The following FAM228B variants were observed in gnomAD, a reference collection of about 807,000 sequenced individuals.
FAM228B encodes the protein family with sequence similarity 228 member B, also known as protein FAM228B.
FAM228B carries 38 observed loss-of-function variants against 42.6 expected under a neutral mutation model. That is an observed-to-expected ratio of 0.89 (90% confidence interval 0.69 to 1.17). FAM228B has a LOEUF of 1.17. Ranked by LOEUF, FAM228B falls within the 50% of genes most tolerant of loss-of-function variation. FAM228B has a pLI of 0.00. For missense variants in FAM228B, 344 were observed against 367.3 expected, an observed-to-expected ratio of 0.94 and a Z score of 0.52; for synonymous variants, 109 against 122.3, an observed-to-expected ratio of 0.89 and a Z score of 0.72.
intron 7 of FAM228B, among the ~76,000 whole-genome samples, chr2:24,148,059 T>C (rs552240879): frequency 7.9e-4 from 121 of 152,272 alleles, no homozygotes; most frequent in Non-Finnish European, 1.5e-3. Context: ...GGATTAGCCT[T>C]ATCTAGTTGG....
upstream of FAM228B, among the ~76,000 whole-genome samples, chr2:24,118,810 G>A (rs1167961050): frequency 6.6e-6 from 1 of 152,202 alleles, no homozygotes; most frequent in African/African-American, 2.4e-5. Flanking sequence ...CACATGGTAA[G>A]TACCTCTGAA....
intron 3 of FAM228B, among the ~76,000 whole-genome samples, chr2:24,100,565 A>G (rs1229619745): frequency 6.6e-6 from 1 of 152,228 alleles, no homozygotes; most frequent in Non-Finnish European, 1.5e-5. Flanking sequence ...ACAATGAGAT[A>G]CCATCTTGTG....
intron 2 of FAM228B, among the ~76,000 whole-genome samples, chr2:24,093,109 A>G (rs983859369): frequency 7.2e-5 from 11 of 152,002 alleles, no homozygotes; most frequent in Admixed American, 5.9e-4. Flanking sequence ...TCCCAAAACT[A>G]TGTGTCCCCT....
intron 2 of FAM228B, 128 bp downstream of exon 2, chr2:24,124,588 CACTTT>C (rs1666256187): frequency 1.2e-5 from 7 of 594,396 alleles, no homozygotes; most frequent in Non-Finnish European, 1.7e-5. Flanking sequence ...TTATTCCCTT[CACTTT>C]ACTAACTTTG....
At chr2:24,164,422 T>C in intron 9 of FAM228B, 87 bp downstream of exon 9, 1 of 1,388,182 alleles carries the variant, frequency 7.2e-7, no homozygotes. Flanking sequence ...TTTCTTTGTA[T>C]GGCAGGCTTC....
upstream of FAM228B, among the ~76,000 whole-genome samples, chr2:24,118,854 G>T (rs2151005262): frequency 6.6e-6 from 1 of 152,250 alleles, no homozygotes; most frequent in Admixed American, 6.5e-5. Context: ...TGAATGAGTG[G>T]CTGCTTTTGT....
At chr2:24,121,118 A>G (rs1666101158), upstream of FAM228B, 1 of 1,604,724 alleles carries the variant, frequency 6.2e-7, no homozygotes, top group Admixed American at 1.7e-5. Flanking sequence ...TTTGGAGGCA[A>G]ATTCTTTTCT....
chr2:24,120,980 A>C (rs1666096112), upstream of FAM228B, among the ~76,000 whole-genome samples: 1 of 150,780 alleles, frequency 6.6e-6, no homozygotes, highest in African/African-American at 2.4e-5. Context: ...ATTTCTCAAA[A>C]CCAGGCTCTT....
At chr2:24,123,873 CG>C (rs906847586) in intron 1 of FAM228B, among the ~76,000 whole-genome samples, 1 of 152,138 alleles carries the variant, frequency 6.6e-6, no homozygotes, top group Non-Finnish European at 1.5e-5. Context: ...ACCCGTGCCT[CG>C]GGGAGGACTT....
intron 7 of FAM228B, among the ~76,000 whole-genome samples, chr2:24,158,253 T>C (rs1667205039): frequency 7.0e-6 from 1 of 143,408 alleles, no homozygotes; most frequent in African/African-American, 2.5e-5. Context: ...AATGCCGCTT[T>C]AAAACTTCCT....
intron 3 of FAM228B, chr2:24,096,275 G>A (rs1665496114): frequency 1.3e-5 from 2 of 152,224 alleles, no homozygotes; most frequent in African/African-American, 4.8e-5. Context: ...GCTGGATGGA[G>A]AATGACTTTG....
intron 8 of FAM228B, among the ~76,000 whole-genome samples, chr2:24,162,806 TG>T (rs1330367263): frequency 2.0e-5 from 3 of 152,162 alleles, no homozygotes; most frequent in Non-Finnish European, 4.4e-5. Flanking sequence ...TTGTACTCAG[TG>T]AAGGAAGCCA....
intron 5 of FAM228B, among the ~76,000 whole-genome samples, chr2:24,145,692 AC>A (rs1389499690): frequency 7.0e-6 from 1 of 142,406 alleles, no homozygotes; most frequent in African/African-American, 2.5e-5. Context: ...AAATGATAGT[AC>A]CTTTTTTTGT....
chr2:24,118,800 C>T (rs1462124598), upstream of FAM228B, among the ~76,000 whole-genome samples: 4 of 152,094 alleles, frequency 2.6e-5, no homozygotes, highest in African/African-American at 9.7e-5. Flanking sequence ...TAGTGCAGGG[C>T]ACATGGTAAG....
rs1666646368 is a variant in FAM228B, at chr2:24,138,056, A to G, written c.316A>G (p.Arg106Gly). The G allele has an allele frequency of 6.5e-7, 1 of 1,540,182 alleles. No homozygotes were observed. Among genetic ancestry groups the G allele is most frequent in the Admixed American group, 2.1e-5 (1 of 47,284 alleles). The change falls in exon 4 of 11, where the codon AGG becomes GGG. Residue 106 changes from arginine to glycine, a missense_variant. Physicochemically the swap from Arg to Gly is moderately radical, Grantham distance 125. Transcript: ENST00000615575. Reference protein sequence around the residue: ...VCSHKKIKKRRQGELDGFLKH... With the variant: ...VCSHKKIKKRGQGELDGFLKH... The stretch of plus-strand genomic sequence containing the variant: ...CTCACATAAGAAGATTAAAAAAAGG[A>G]GGCAAGGGGAATTAGATGGCTTTTT...
chr2:24,116,777 C>G (rs1665933218), intron 3 of FAM228B, among the ~76,000 whole-genome samples: 1 of 151,612 alleles, frequency 6.6e-6, no homozygotes. Flanking sequence ...TCTCTTGAAC[C>G]TGGGAGGCTG....
rs1454352977 is a variant in FAM228B, at chr2:24,135,112, C to G, written c.100-7C>G. ...TTTCTTTTCAAAGTTTAATTCTGTC[C>G]TTTCAGGTTTTAGCTAAAGAAGATA... On this transcript the variant is annotated splice_polypyrimidine_tract_variant and splice_region_variant and intron_variant, in intron 2 of 10. Coordinates refer to ENST00000615575, the MANE Select transcript of FAM228B (RefSeq NM_001145710.2). 1 of 1,471,792 alleles carries G rather than the reference C, an allele frequency of 6.8e-7. No individual in the cohort carries two copies. Among genetic ancestry groups the G allele is most frequent in the Non-Finnish European group, 9.2e-7 (1 of 1,085,872 alleles). 91.2% of individuals were successfully genotyped at this position (1,471,792 alleles called of 1,614,324 possible). A position where few individuals can be genotyped will look rare whatever the true frequency, so the allele number is the denominator to read the frequency against.
intron 3 of FAM228B, among the ~76,000 whole-genome samples, chr2:24,116,137 G>C (rs1665909708): frequency 6.6e-6 from 1 of 151,978 alleles, no homozygotes; most frequent in Non-Finnish European, 1.5e-5. Context: ...GACCATCCTG[G>C]CTAACATGGT....
Position 24,079,445 on chromosome 2 carries a change from T to C in FAM228B, c.-289-1431T>C, listed in dbSNP as rs773821875. 5.6e-6 allele frequency: 9 copies of C among 1,614,070 alleles called. No individual in the cohort carries two copies. The Admixed American group carries it at 1.5e-4, about 27-fold the overall frequency. ...GTTTTCTTTTCATTCATCACTCACC[T>C]TATTGTCCCTAGACCTCAGCAAACT... On this transcript the variant is annotated intron_variant, in intron 1 of 10. Coordinates refer to the FAM228B transcript ENST00000613899.
Sources: gnomAD v4.1 joint callset for allele counts (sites outside exome capture counted in the v4.1 genomes callset) on GRCh38, gnomAD v4.1.1 for gene constraint, MANE v1.5 for transcripts, NCBI Gene and HGNC (gene_info 2026-07-23, HGNC 2026-07-21) for gene names.